Variants in GRM8 observed in about 807,000 individuals in gnomAD.
GRM8 encodes the protein glutamate metabotropic receptor 8.
In GRM8, 47 loss-of-function variants were observed where a neutral mutation model predicts 87.2. That is an observed-to-expected ratio of 0.54 (90% CI 0.43 to 0.69). The LOEUF (loss-of-function observed/expected upper bound fraction) is 0.69. Ranked by LOEUF, GRM8 falls within the 30% of genes least tolerant of loss-of-function variation. GRM8 has a pLI of 0.00. For synonymous variants in GRM8, 396 were observed against 404.5 expected (o/e 0.98, Z 0.25); for missense variants, 1,019 against 1,139.2 (o/e 0.89, Z 1.52).
intron 3 of GRM8, among the ~76,000 whole-genome samples, chr7:126,995,814 TA>T (rs1431040571): frequency 2.6e-5 from 4 of 151,930 alleles, no homozygotes; most frequent in African/African-American, 9.7e-5. Context: ...TGGGATAATA[TA>T]AAAGAACTTC....
At chr7:126,958,170 C>A (rs1321791983) in intron 3 of GRM8, among the ~76,000 whole-genome samples, 1 of 152,170 alleles carries the variant, frequency 6.6e-6, no homozygotes, top group Non-Finnish European at 1.5e-5. Context: ...CCTTGCTCAT[C>A]CTCCAGTAGT....
intron 7 of GRM8, among the ~76,000 whole-genome samples, chr7:126,735,151 C>G (rs1281222278): frequency 6.6e-6 from 1 of 151,746 alleles, no homozygotes; most frequent in African/African-American, 2.4e-5. Flanking sequence ...GCAAGTAACA[C>G]CAAATATGAA....
At chr7:126,478,071 G>T (rs553915732) in intron 9 of GRM8, among the ~76,000 whole-genome samples, 1 of 152,174 alleles carries the variant, frequency 6.6e-6, no homozygotes, top group South Asian at 2.1e-4. Flanking sequence ...GCTAATTCAG[G>T]ATGATCACAG....
At chr7:127,004,650 GA>G (rs1257954308) in intron 3 of GRM8, among the ~76,000 whole-genome samples, 1 of 151,438 alleles carries the variant, frequency 6.6e-6, no homozygotes, top group Admixed American at 6.6e-5. Flanking sequence ...CAACTTTAAG[GA>G]TGAAGAAAAA....
At chr7:127,047,176 A>G (rs1238059252) in intron 3 of GRM8, among the ~76,000 whole-genome samples, 1 of 152,220 alleles carries the variant, frequency 6.6e-6, no homozygotes, top group Non-Finnish European at 1.5e-5. Flanking sequence ...CACCCATCTG[A>G]TAACATATTA....
At chr7:126,512,433 C>T (rs571157913) in intron 9 of GRM8, 2 of 152,274 alleles carry the variant, frequency 1.3e-5, no homozygotes, top group East Asian at 3.9e-4. Flanking sequence ...GCCACACTCT[C>T]GACACCTGAC....
At chr7:127,218,429 C>G (rs1796704235) in intron 2 of GRM8, among the ~76,000 whole-genome samples, 1 of 152,224 alleles carries the variant, frequency 6.6e-6, no homozygotes, top group African/African-American at 2.4e-5. Context: ...GAGTTCAAAT[C>G]CCAGCTGTAC....
rs193001329 is a variant in GRM8 at position 127,179,535 on chromosome 7, C to T, written c.510+63160G>A. Among the ~76,000 whole-genome samples, 894 of 152,064 alleles carry T rather than the reference C, an allele frequency of 5.9e-3. 6 individuals are homozygous for T. Among genetic ancestry groups the T allele is most frequent in the Non-Finnish European group, 0.01 (682 of 67,932 alleles). On this transcript the variant is annotated intron_variant, in intron 2 of 10. Coordinates refer to ENST00000339582, the MANE Select transcript of GRM8 (RefSeq NM_000845.3). ...TATAGAGAACGTTTCATCCAACAAC[C>T]GCAAAATACACGTTCTATTTAATAG...
At chr7:126,498,906 C>T (rs530840855) in intron 9 of GRM8, among the ~76,000 whole-genome samples, 1 of 151,746 alleles carries the variant, frequency 6.6e-6, no homozygotes, top group African/African-American at 2.4e-5. Flanking sequence ...AAGTTATTGA[C>T]CTATAGTGAA....
intron 3 of GRM8, among the ~76,000 whole-genome samples, chr7:126,982,764 A>G (rs1196724889): frequency 6.6e-6 from 1 of 152,172 alleles, no homozygotes; most frequent in Non-Finnish European, 1.5e-5. Context: ...ATTGATGACT[A>G]CCTTCTTCTA....
At chr7:126,890,036 CAA>C (rs1263630138) in intron 6 of GRM8, among the ~76,000 whole-genome samples, 1 of 152,056 alleles carries the variant, frequency 6.6e-6, no homozygotes, top group Non-Finnish European at 1.5e-5. Context: ...GTAAAGAAAT[CAA>C]AGTTACATTT....
chr7:126,566,376 A>C (rs1164408803), intron 8 of GRM8, among the ~76,000 whole-genome samples: 1 of 152,192 alleles, frequency 6.6e-6, no homozygotes, highest in Non-Finnish European at 1.5e-5. Flanking sequence ...TTGAATACAC[A>C]TTTATCCAAA....
At chr7:127,078,931 A>G (rs954612724) in intron 3 of GRM8, among the ~76,000 whole-genome samples, 1 of 152,356 alleles carries the variant, frequency 6.6e-6, no homozygotes. Context: ...AGAAAAATTG[A>G]CATTCATCTA....
At chr7:127,196,619 C>G (rs1159616409) in intron 2 of GRM8, among the ~76,000 whole-genome samples, 4 of 152,072 alleles carry the variant, frequency 2.6e-5, no homozygotes, top group Non-Finnish European at 5.9e-5. Flanking sequence ...CATGCTTCCA[C>G]ATTGTTACAC....
At chr7:127,217,078 A>G (rs1796602294) in intron 2 of GRM8, among the ~76,000 whole-genome samples, 1 of 152,186 alleles carries the variant, frequency 6.6e-6, no homozygotes, top group African/African-American at 2.4e-5. Context: ...TGTACCTGGC[A>G]TATGTAATGG....
chr7:127,072,165 C>T (rs1010330547), intron 3 of GRM8, among the ~76,000 whole-genome samples: 2 of 152,058 alleles, frequency 1.3e-5, no homozygotes, highest in Admixed American at 1.3e-4. Context: ...CCTGGTTCAC[C>T]CAAACATCAC....
At position 127,017,597 on chromosome 7, in the gene GRM8, G is replaced by T. The variant is rs76055195; in HGVS notation, c.727+88899C>A. ...GAAGAAGGTGTCATCTTTTTCAGAG[G>T]CTAGAAAATTGAGATGGGGAGCTGA... On this transcript the variant is annotated intron_variant, in intron 3 of 10. Coordinates refer to ENST00000339582, the MANE Select transcript of GRM8 (RefSeq NM_000845.3). Among the ~76,000 whole-genome samples the T allele has an allele frequency of 4.7e-3, 717 of 152,146 alleles. 6 individuals are homozygous for T. Among genetic ancestry groups the T allele is most frequent in the African/African-American group, 0.017 (687 of 41,534 alleles).
intron 3 of GRM8, among the ~76,000 whole-genome samples, chr7:127,092,716 A>G (rs1467938277): frequency 1.3e-5 from 2 of 152,292 alleles, no homozygotes; most frequent in African/African-American, 4.8e-5. Context: ...CAGGGGGAAA[A>G]GAAAAAAGAA....
At chr7:126,541,955 A>G (rs1448154805) in intron 8 of GRM8, among the ~76,000 whole-genome samples, 1 of 152,244 alleles carries the variant, frequency 6.6e-6, no homozygotes, top group Non-Finnish European at 1.5e-5. Context: ...AGAGGTAATT[A>G]AAGTAAAATA....
Sources: gnomAD v4.1 joint callset for allele counts (sites outside exome capture counted in the v4.1 genomes callset) on GRCh38, gnomAD v4.1.1 for gene constraint, MANE v1.5 for transcripts, NCBI Gene and HGNC (gene_info 2026-07-23, HGNC 2026-07-21) for gene names.